SLFN12L: variants seen among roughly 807,000 people sequenced by gnomAD.
SLFN12L encodes schlafen family member 12 like.
A neutral mutation model predicts 34.8 loss-of-function variants in SLFN12L; 34 were observed. The observed-to-expected ratio is 0.98, with a 90% CI of 0.74 to 1.30. SLFN12L has a LOEUF of 1.30. SLFN12L is among the 50% of genes most tolerant of loss of function. The pLI, the probability that SLFN12L is intolerant of heterozygous loss-of-function variation, is 0.00. For missense variants in SLFN12L, 703 were observed against 696.2 expected (o/e 1.01, Z -0.11); for synonymous variants, 259 against 247.5 (o/e 1.05, Z -0.44).
rs545932194 is a variant in SLFN12L, at chr17:35,471,441, T to G, written c.*3482A>C. 6.6e-6 allele frequency among the ~76,000 whole-genome samples: 1 copy of G among 152,136 alleles called. No individual in the cohort carries two copies. Among genetic ancestry groups the G allele is most frequent in the South Asian group, 2.1e-4 (1 of 4,824 alleles). Reference sequence around the variant, plus strand: ...CATGAGCCACCGCGCCACGCCTGCATGTATCTTTATAGTAGAATGATTTAC... The same window carrying G: ...CATGAGCCACCGCGCCACGCCTGCAGGTATCTTTATAGTAGAATGATTTAC... On this transcript the variant is annotated 3_prime_UTR_variant, in exon 5 of 5. Transcript: ENST00000628453.
Position 35,513,056 on chromosome 17 carries a change from T to C in SLFN12L, c.86+9223A>G, listed in dbSNP as rs79314266. On this transcript the variant is annotated intron_variant, in intron 2 of 4. Transcript: ENST00000628453. ...TGCAAAAGGTTTCTTCACTGCCTGGTCAGTCACTGACCAGTCACCACTGCA... is the reference window on the plus strand; with the variant it reads ...TGCAAAAGGTTTCTTCACTGCCTGGCCAGTCACTGACCAGTCACCACTGCA... Among the ~76,000 whole-genome samples the C allele has an allele frequency of 1.4e-3, 210 of 152,268 alleles. 2 individuals are homozygous for C. The East Asian group carries it at 0.015, about 11-fold the overall frequency.
chr17:35,530,442 A>AGGGAG (rs1460001236), intron 1 of SLFN12L, among the ~76,000 whole-genome samples: 1 of 9,684 alleles, frequency 1.0e-4, no homozygotes, highest in African/African-American at 2.2e-4. Flanking sequence ...AAGGGAAGGG[A>AGGGAG]AGAAAGAAAG....
Position 35,473,229 on chromosome 17 carries a change from A to C in SLFN12L, c.*1694T>G, listed in dbSNP as rs1345900378. Among the ~76,000 whole-genome samples, 1 of 152,168 alleles carries C rather than the reference A, an allele frequency of 6.6e-6. No homozygotes were observed. The highest frequency in any genetic ancestry group is 1.5e-5 in the Non-Finnish European group (1 of 68,022). On this transcript the variant is annotated 3_prime_UTR_variant, in exon 5 of 5. Coordinates refer to ENST00000628453, the MANE Select transcript of SLFN12L (RefSeq NM_001363830.2). ...AGAGAGGGCATTCTTGTCTTGTGCC[A>C]ATTTTCAAAGGGAATGCTTCCAGGT...
chr17:35,474,974 C>G lies in SLFN12L; in HGVS notation c.1788G>C (p.Leu596Phe). 4 of 1,552,216 alleles carry G rather than the reference C, an allele frequency of 2.6e-6. No homozygotes were observed. Among genetic ancestry groups the G allele is most frequent in the Non-Finnish European group, 3.5e-6 (4 of 1,147,424 alleles). The change falls in exon 5 of 5, where the codon TTG (leucine) becomes TTC (phenylalanine). Residue 596 changes from leucine to phenylalanine, a missense_variant. Leu to Phe is a conservative substitution (Grantham distance 22). Coordinates refer to ENST00000628453, the MANE Select transcript of SLFN12L (RefSeq NM_001363830.2). The stretch of plus-strand genomic sequence containing the variant: ...AACAAACAAACAAACAAAAACGAAA[C>G]AAACAAACAAACAAAAAGATTTGAT... Reference protein sequence around the residue: ...KENQIFLFVCLFRFCLFVCWF... With the variant: ...KENQIFLFVCFFRFCLFVCWF...
intron 2 of SLFN12L, among the ~76,000 whole-genome samples, chr17:35,493,907 T>A (rs1332727175): frequency 1.3e-5 from 2 of 152,232 alleles, no homozygotes; most frequent in Non-Finnish European, 2.9e-5. Context: ...TTCTTAGTTG[T>A]GGTTCTTCTT....
At chr17:35,515,055 T>C (rs1441119645) in intron 2 of SLFN12L, 1 of 590,686 alleles carries the variant, frequency 1.7e-6, no homozygotes, top group Non-Finnish European at 3.3e-6. Context: ...GGCCAGCTTC[T>C]GTTTCTTTCT....
At position 35,530,521 on chromosome 17, in the gene SLFN12L, AG is replaced by A. The variant is rs1302624211; in HGVS notation, c.-606+7051del. 1.6e-3 allele frequency among the ~76,000 whole-genome samples: 65 copies of A among 41,614 alleles called. 2 individuals carry two copies. Among genetic ancestry groups the A allele is most frequent in the East Asian group, 3.7e-3 (8 of 2,144 alleles). 27.3% of individuals were successfully genotyped at this position (41,614 alleles called of 152,430 possible). ...GAAAGAAAGAAAGAAAGAAAAGAAA[AG>A]AAAAGAAAAGAAAAGAAAAGAAAGA... On this transcript the variant is annotated intron_variant, in intron 1 of 4. Transcript: ENST00000628453.
In SLFN12L at chr17:35,506,329, G is replaced by A. The variant is rs148108059; in HGVS notation, c.86+15950C>T. On this transcript the variant is annotated intron_variant, in intron 2 of 4. Transcript: ENST00000628453. ...AGTACATTTGTCATGAATTAGGACTGTGTGGAAATAAATGTAGATACTGGT... is the reference window on the plus strand; with the variant it reads ...AGTACATTTGTCATGAATTAGGACTATGTGGAAATAAATGTAGATACTGGT... 2.4e-3 allele frequency among the ~76,000 whole-genome samples: 364 copies of A among 152,328 alleles called. 3 individuals carry two copies. Among genetic ancestry groups the A allele is most frequent in the Non-Finnish European group, 3.8e-3 (259 of 68,020 alleles).
At chr17:35,489,972 C>T in intron 2 of SLFN12L, 2 of 1,498,064 alleles carry the variant, frequency 1.3e-6, no homozygotes, top group South Asian at 1.1e-5. Flanking sequence ...TAAAAAGAAC[C>T]CTTAGCAAAT....
chr17:35,523,177 T>C (rs147215171), intron 1 of SLFN12L, among the ~76,000 whole-genome samples: 1 of 152,372 alleles, frequency 6.6e-6, no homozygotes, highest in East Asian at 1.9e-4. Context: ...TATTATGCCT[T>C]TGACCTAACC....
chr17:35,489,997 A>C (rs1914765955), intron 2 of SLFN12L: 4 of 1,568,390 alleles, frequency 2.6e-6, no homozygotes, highest in Non-Finnish European at 2.6e-6. Flanking sequence ...AATAGAAAGA[A>C]ATATCCGACA....
Position 35,480,200 on chromosome 17 carries a change from A to G in SLFN12L, c.87-5T>C. On this transcript the variant is annotated splice_polypyrimidine_tract_variant and splice_region_variant and intron_variant, in intron 2 of 4. Coordinates refer to ENST00000628453, the MANE Select transcript of SLFN12L (RefSeq NM_001363830.2). Reference sequence around the variant, plus strand: ...TTTCCACGCAGAAATTCTTTTCTGTAAAATAGAGCCGTTAGAATAGGAGTT... The same window carrying G: ...TTTCCACGCAGAAATTCTTTTCTGTGAAATAGAGCCGTTAGAATAGGAGTT... 1 of 1,560,312 alleles carries G rather than the reference A, an allele frequency of 6.4e-7. No individual in the cohort carries two copies. The highest frequency in any genetic ancestry group is 8.7e-7 in the Non-Finnish European group (1 of 1,154,914).
intron 2 of SLFN12L, chr17:35,498,089 G>T (rs1420356734): frequency 2.0e-5 from 11 of 539,830 alleles, no homozygotes; most frequent in African/African-American, 2.0e-4. Context: ...GCGGCGGGGC[G>T]CGGGGCTCCA....
chr17:35,527,154 A>C (rs1428305976), intron 1 of SLFN12L, among the ~76,000 whole-genome samples: 1 of 152,200 alleles, frequency 6.6e-6, no homozygotes, highest in Non-Finnish European at 1.5e-5. Flanking sequence ...CCCAAGTCTA[A>C]ACCAGGAAGA....
intron 2 of SLFN12L, chr17:35,498,864 C>T: frequency 1.4e-6 from 1 of 714,106 alleles, no homozygotes; most frequent in Non-Finnish European, 2.5e-6. Flanking sequence ...CAGCTCCTCC[C>T]GCAGTGAGAA....
rs112839531 is a variant in SLFN12L at position 35,511,210 on chromosome 17, T to C, written c.86+11069A>G. 4.4e-3 allele frequency among the ~76,000 whole-genome samples: 670 copies of C among 152,334 alleles called. 8 individuals are homozygous for C. The highest frequency in any genetic ancestry group is 8.2e-3 in the Admixed American group (125 of 15,292). ...TTAATAGTCACTTAAACAATTAAGA[T>C]TGAAGCGATAATAAAACTGCATTTC... On this transcript the variant is annotated intron_variant, in intron 2 of 4. Transcript: ENST00000628453.
chr17:35,499,410 T>C (rs370310793), intron 2 of SLFN12L, among the ~76,000 whole-genome samples: 79 of 152,332 alleles, frequency 5.2e-4, no homozygotes, highest in African/African-American at 1.9e-3. Context: ...GTAGTATTTA[T>C]ACTATCTGAA....
chr17:35,483,377 C>T (rs149946345), intron 2 of SLFN12L, among the ~76,000 whole-genome samples: 139 of 152,258 alleles, frequency 9.1e-4, no homozygotes, highest in Middle Eastern at 3.4e-3. Flanking sequence ...GCAAAGGTGC[C>T]GCCAGCCACA....
rs1366986444 is a variant in SLFN12L, at chr17:35,480,078, G to A, written c.204C>T (p.Asn68=). 2 of 1,613,430 alleles carry A rather than the reference G, an allele frequency of 1.2e-6. No individual in the cohort carries two copies. The highest frequency in any genetic ancestry group is 1.6e-4 in the Middle Eastern group (1 of 6,062). ...GACAATCCTTCATTTTTTTTCTATT[G>A]TTCTCTCCAAGAGTGACTCTTCCCA... is the stretch of plus-strand genomic sequence containing the variant. ...LNVGRVTLGE[N]NRKKMKDCQL... The change falls in exon 3 of 5, where the codon AAC becomes AAT. Residue 68 remains asparagine, a synonymous_variant. Transcript: ENST00000628453.
Sources: gnomAD v4.1 joint callset for allele counts (sites outside exome capture counted in the v4.1 genomes callset) on GRCh38, gnomAD v4.1.1 for gene constraint, MANE v1.5 for transcripts, NCBI Gene and HGNC (gene_info 2026-07-23, HGNC 2026-07-21) for gene names.